Variants in RBFOX1 observed in about 807,000 individuals in gnomAD.
The protein encoded by RBFOX1 is RNA binding fox-1 homolog 1, also known as RNA binding protein fox-1 homolog 1.
RBFOX1 carries 8 observed loss-of-function variants against 57.7 expected under a neutral mutation model. That is an observed-to-expected ratio of 0.14 (90% CI 0.08 to 0.25). The LOEUF (loss-of-function observed/expected upper bound fraction) is 0.25, where lower values mean the gene tolerates loss of function less well. RBFOX1 is among the 10% of genes least tolerant of loss of function. The probability of loss-of-function intolerance (pLI) is 1.00; values close to 1 mark genes in which losing one functional copy is unlikely to be tolerated. For missense variants in RBFOX1, 611 were observed against 548.5 expected, an observed-to-expected ratio of 1.11 and a Z score of -1.14; for synonymous variants, 326 against 222.4, an observed-to-expected ratio of 1.47 and a Z score of -4.15.
intron 3 of RBFOX1, among the ~76,000 whole-genome samples, chr16:6,755,730 C>A (rs151145262): frequency 1.6e-3 from 243 of 152,202 alleles, no homozygotes; most frequent in Middle Eastern, 3.4e-3. Context: ...CCCTGTTATT[C>A]AAAAACAACT....
chr16:6,446,677 C>G (rs1166000637), intron 2 of RBFOX1, among the ~76,000 whole-genome samples: 3 of 152,100 alleles, frequency 2.0e-5, no homozygotes, highest in Non-Finnish European at 4.4e-5. Context: ...TTTAGGATTA[C>G]TATTCTAATT....
At chr16:6,700,178 A>ATT (rs2061613977) in intron 3 of RBFOX1, among the ~76,000 whole-genome samples, 1 of 151,958 alleles carries the variant, frequency 6.6e-6, no homozygotes, top group African/African-American at 2.4e-5. Context: ...GAGTCGGGGG[A>ATT]CTTACTCAAT....
At chr16:7,591,736 A>T (rs949973093) in intron 7 of RBFOX1, among the ~76,000 whole-genome samples, 1 of 152,098 alleles carries the variant, frequency 6.6e-6, no homozygotes, top group Non-Finnish European at 1.5e-5. Flanking sequence ...CATCAGCATC[A>T]CACCCAGCCC....
intron 3 of RBFOX1, among the ~76,000 whole-genome samples, chr16:6,855,271 G>C (rs577356865): frequency 6.6e-6 from 1 of 151,956 alleles, no homozygotes; most frequent in African/African-American, 2.4e-5. Flanking sequence ...GGGGAAGGAG[G>C]GCAGTCAGCA....
intron 4 of RBFOX1, among the ~76,000 whole-genome samples, chr16:7,114,265 T>A (rs979138384): frequency 1.1e-4 from 16 of 151,828 alleles, no homozygotes; most frequent in African/African-American, 3.4e-4. Context: ...AGTGTACTTG[T>A]GTACACATTT....
chr16:5,791,169 T>C (rs67381368), intron 3 of RBFOX1, among the ~76,000 whole-genome samples: 46,698 of 151,996 alleles, frequency 0.31, 7,545 homozygotes, highest in East Asian at 0.55. Context: ...TGCCTGGCTT[T>C]TTTATTTTAA....
At chr16:5,695,881 G>A (rs4786757) in intron 3 of RBFOX1, among the ~76,000 whole-genome samples, 122,635 of 152,072 alleles carry the variant, frequency 0.81, 53,304 homozygotes, top group Non-Finnish European at 0.96. Flanking sequence ...ATGCATATAT[G>A]TGTGGATCAG....
At chr16:7,409,034 A>C (rs962080151) in intron 4 of RBFOX1, among the ~76,000 whole-genome samples, 2 of 152,012 alleles carry the variant, frequency 1.3e-5, no homozygotes, top group African/African-American at 2.4e-5. Flanking sequence ...GCTTTTCTTC[A>C]TGTCTAAATG....
chr16:6,881,207 A>C (rs1313757227), intron 3 of RBFOX1, among the ~76,000 whole-genome samples: 1 of 152,230 alleles, frequency 6.6e-6, no homozygotes, highest in Non-Finnish European at 1.5e-5. Flanking sequence ...AGGCAAGGAG[A>C]ATAGCCAGGA....
rs1484316203 is a variant in RBFOX1, at chr16:5,315,579, A to G, written c.219+75474A>G. Among the ~76,000 whole-genome samples, 3 of 152,152 alleles carry G rather than the reference A, an allele frequency of 2.0e-5. No individual in the cohort carries two copies. The South Asian group carries it at 6.2e-4, about 32-fold the overall frequency. ...CAGGGGCCAGGCAAAGAGGCAGGGG[A>G]CAAGAATCACAATTATGCCTGATGT... On this transcript the variant is annotated intron_variant, in intron 1 of 2. Transcript: ENST00000585867.
rs370200759 is a variant in RBFOX1, at chr16:7,422,531, G to C, written c.28-95616G>C. Among the ~76,000 whole-genome samples the C allele has an allele frequency of 4.9e-4, 75 of 152,274 alleles. 1 individual carries two copies. Among genetic ancestry groups the C allele is most frequent in the African/African-American group, 1.6e-3 (66 of 41,562 alleles). On this transcript the variant is annotated intron_variant, in intron 4 of 15. Coordinates refer to ENST00000550418, the MANE Select transcript of RBFOX1 (RefSeq NM_018723.4). ...GCTTGCACTCCGTGACCCCGTCACTGGGGGATCAAATGAGAAGTCAAATCA... is the reference window on the plus strand; with the variant it reads ...GCTTGCACTCCGTGACCCCGTCACTCGGGGATCAAATGAGAAGTCAAATCA...
intron 14 of RBFOX1, among the ~76,000 whole-genome samples, chr16:7,699,982 G>A (rs1484106336): frequency 1.2e-4 from 19 of 152,112 alleles, no homozygotes; most frequent in Admixed American, 1.2e-3. Flanking sequence ...GGATTTTAAC[G>A]TTGCCTCCTG....
intron 4 of RBFOX1, among the ~76,000 whole-genome samples, chr16:7,315,620 A>G (rs185355301): frequency 1.3e-5 from 2 of 149,534 alleles, no homozygotes; most frequent in African/African-American, 4.9e-5. Context: ...ATAGTCTTTT[A>G]TAGCCTTCCT....
chr16:5,389,301 C>G (rs1367652494), intron 1 of RBFOX1, among the ~76,000 whole-genome samples: 1 of 152,168 alleles, frequency 6.6e-6, no homozygotes, highest in African/African-American at 2.4e-5. Context: ...TTCTCTTCCT[C>G]CAATCTTACC....
intron 2 of RBFOX1, among the ~76,000 whole-genome samples, chr16:6,502,749 G>T (rs1320974494): frequency 6.6e-6 from 1 of 152,072 alleles, no homozygotes; most frequent in Non-Finnish European, 1.5e-5. Context: ...AGGGTAAGGT[G>T]CCCCGATGGA....
chr16:7,317,238 G>A (rs368185845), intron 4 of RBFOX1, among the ~76,000 whole-genome samples: 15 of 152,170 alleles, frequency 9.9e-5, no homozygotes, highest in East Asian at 1.9e-4. Flanking sequence ...ATTCATCCCC[G>A]AAGCTGATGT....
At chr16:7,525,340 G>C (rs1190589854) in intron 5 of RBFOX1, among the ~76,000 whole-genome samples, 1 of 152,022 alleles carries the variant, frequency 6.6e-6, no homozygotes, top group Non-Finnish European at 1.5e-5. Context: ...TCCTAATGAT[G>C]GAATTTAGGT....
chr16:7,646,572 C>T (rs975097617), intron 11 of RBFOX1, among the ~76,000 whole-genome samples: 10 of 152,200 alleles, frequency 6.6e-5, no homozygotes, highest in Admixed American at 2.0e-4. Flanking sequence ...CTCATCCATT[C>T]GGATGCCCAC....
At chr16:5,862,791 C>T (rs899217820) in intron 3 of RBFOX1, among the ~76,000 whole-genome samples, 1 of 152,074 alleles carries the variant, frequency 6.6e-6, no homozygotes, top group Admixed American at 6.5e-5. Flanking sequence ...CTAACACGAC[C>T]CTATAAAAGT....
Sources: allele counts gnomAD v4.1 joint callset (sites outside exome capture counted in the v4.1 genomes callset), GRCh38; gene constraint gnomAD v4.1.1; transcripts MANE v1.5; gene names NCBI Gene and HGNC (gene_info 2026-07-23, HGNC 2026-07-21).